IMMP2L: variants seen among roughly 807,000 people sequenced by gnomAD.
IMMP2L encodes inner mitochondrial membrane peptidase subunit 2.
Under a neutral mutation model 19.3 loss-of-function variants are expected in IMMP2L, and 18 were observed. That is an observed-to-expected ratio of 0.93 (90% CI 0.64 to 1.38). The LOEUF (loss-of-function observed/expected upper bound fraction) is 1.38, where lower values mean the gene tolerates loss of function less well. IMMP2L is among the 40% of genes most tolerant of loss of function. IMMP2L has a pLI of 0.00. For synonymous variants in IMMP2L, 76 were observed against 73.0 expected (o/e 1.04, Z -0.21); for missense variants, 233 against 218.2 (o/e 1.07, Z -0.43).
intron 4 of IMMP2L, among the ~76,000 whole-genome samples, chr7:110,951,726 C>T (rs890652837): frequency 2.0e-5 from 3 of 152,156 alleles, no homozygotes; most frequent in Non-Finnish European, 2.9e-5. Flanking sequence ...TATTGCCTTA[C>T]TCCAAGCATA....
At chr7:110,901,345 T>C (rs1399222260) in intron 4 of IMMP2L, among the ~76,000 whole-genome samples, 1 of 152,186 alleles carries the variant, frequency 6.6e-6, no homozygotes, top group African/African-American at 2.4e-5. Context: ...TGAATGAGTA[T>C]GGATTCTGGT....
At chr7:111,558,308 C>T (rs978773763) in intron 1 of IMMP2L, among the ~76,000 whole-genome samples, 1 of 152,176 alleles carries the variant, frequency 6.6e-6, no homozygotes, top group Non-Finnish European at 1.5e-5. Context: ...ATGGGTAGTT[C>T]CCCTCCAATG....
chr7:110,858,760 G>T (rs1005771412), intron 5 of IMMP2L, among the ~76,000 whole-genome samples: 1 of 146,966 alleles, frequency 6.8e-6, no homozygotes, highest in African/African-American at 2.5e-5. Context: ...CTCCTCCCCC[G>T]ACCCCACAAC....
At chr7:110,869,902 T>A (rs1369399917) in intron 5 of IMMP2L, among the ~76,000 whole-genome samples, 2 of 152,154 alleles carry the variant, frequency 1.3e-5, no homozygotes, top group Non-Finnish European at 2.9e-5. Context: ...CATCCCGTAC[T>A]AAATTGGACT....
chr7:111,036,923 TTTTG>T (rs890888996), intron 3 of IMMP2L, among the ~76,000 whole-genome samples: 3 of 152,044 alleles, frequency 2.0e-5, no homozygotes, highest in African/African-American at 7.2e-5. Flanking sequence ...AAAGAAATAT[TTTTG>T]TTTATTAATG....
chr7:110,884,379 T>A (rs1476302012), intron 5 of IMMP2L, among the ~76,000 whole-genome samples: 3 of 152,008 alleles, frequency 2.0e-5, no homozygotes, highest in East Asian at 1.9e-4. Context: ...CTTTATGATA[T>A]AATCCAGTAA....
At chr7:110,703,306 T>A (rs961751345) in intron 5 of IMMP2L, among the ~76,000 whole-genome samples, 4 of 152,202 alleles carry the variant, frequency 2.6e-5, no homozygotes, top group Admixed American at 2.0e-4. Context: ...TATTATCCTT[T>A]TTTTTAATGT....
At chr7:111,086,394 G>A (rs1586170158) in intron 3 of IMMP2L, among the ~76,000 whole-genome samples, 1 of 152,126 alleles carries the variant, frequency 6.6e-6, no homozygotes, top group East Asian at 1.9e-4. Flanking sequence ...AGTGAACTAT[G>A]ATCATGCCAT....
chr7:110,698,984 C>G (rs1794073418), intron 5 of IMMP2L, among the ~76,000 whole-genome samples: 1 of 152,134 alleles, frequency 6.6e-6, no homozygotes, highest in South Asian at 2.1e-4. Flanking sequence ...GGGTGAGGTG[C>G]TTTGACAGCT....
chr7:111,457,493 T>C (rs1259671736), intron 3 of IMMP2L, among the ~76,000 whole-genome samples: 1 of 152,146 alleles, frequency 6.6e-6, no homozygotes, highest in Non-Finnish European at 1.5e-5. Flanking sequence ...ATAAATGAGA[T>C]CTATACAGGC....
At chr7:111,423,275 G>A (rs1325510708) in intron 3 of IMMP2L, among the ~76,000 whole-genome samples, 1 of 151,870 alleles carries the variant, frequency 6.6e-6, no homozygotes, top group Non-Finnish European at 1.5e-5. Flanking sequence ...GAATGGAATA[G>A]TTTCAGAAGG....
intron 5 of IMMP2L, among the ~76,000 whole-genome samples, chr7:110,859,829 T>C (rs752525246): frequency 9.9e-5 from 15 of 151,534 alleles, no homozygotes; most frequent in Non-Finnish European, 2.1e-4. Context: ...TTGTCAGGAG[T>C]AAAGTGTAGT....
chr7:110,982,374 T>C (rs1254254250), intron 3 of IMMP2L, among the ~76,000 whole-genome samples: 1 of 152,138 alleles, frequency 6.6e-6, no homozygotes, highest in Non-Finnish European at 1.5e-5. Context: ...GCTATATCAC[T>C]AGTTACTCAA....
intron 5 of IMMP2L, among the ~76,000 whole-genome samples, chr7:110,873,949 T>TA (rs1309698960): frequency 2.0e-5 from 3 of 152,014 alleles, no homozygotes; most frequent in African/African-American, 4.8e-5. Flanking sequence ...CTTAAGGGGG[T>TA]AAAAAAATCA....
At chr7:110,797,827 C>T (rs1800961709) in intron 5 of IMMP2L, among the ~76,000 whole-genome samples, 2 of 151,934 alleles carry the variant, frequency 1.3e-5, no homozygotes, top group Non-Finnish European at 2.9e-5. Flanking sequence ...TGAAGGATCG[C>T]AGTGCATGAC....
chr7:111,514,495 G>C (rs1002201851), intron 2 of IMMP2L, among the ~76,000 whole-genome samples: 2 of 151,966 alleles, frequency 1.3e-5, no homozygotes, highest in Admixed American at 6.6e-5. Context: ...TTGTGCACAT[G>C]TACCCTAAAA....
In IMMP2L at chr7:111,492,786, T is replaced by G. The variant is rs528861800; in HGVS notation, c.136-5445A>C. ...GTGAAGTAAGTATTAGAATCAACAG[T>G]CAACACCTGAATGACATTGCTTGAT... On this transcript the variant is annotated intron_variant, in intron 2 of 5. Transcript: ENST00000405709. Among the ~76,000 whole-genome samples the G allele has an allele frequency of 4.6e-5, 7 of 152,298 alleles. No homozygotes were observed. In the South Asian group the frequency reaches 1.5e-3, roughly 32 times the overall value.
intron 3 of IMMP2L, among the ~76,000 whole-genome samples, chr7:111,169,446 T>C (rs577390055): frequency 2.0e-5 from 3 of 151,978 alleles, no homozygotes; most frequent in African/African-American, 7.2e-5. Flanking sequence ...ACAACCAAAC[T>C]TGAGTTTGGG....
At chr7:111,500,561 C>T (rs544708922) in intron 2 of IMMP2L, among the ~76,000 whole-genome samples, 15 of 152,158 alleles carry the variant, frequency 9.9e-5, no homozygotes, top group African/African-American at 3.4e-4. Flanking sequence ...TCCGCCAGTA[C>T]GGGCAGACTG....
Sources: gnomAD v4.1 joint callset for allele counts (sites outside exome capture counted in the v4.1 genomes callset) on GRCh38, gnomAD v4.1.1 for gene constraint, MANE v1.5 for transcripts, NCBI Gene and HGNC (gene_info 2026-07-23, HGNC 2026-07-21) for gene names.